EYA1: variants seen among roughly 807,000 people sequenced by gnomAD.
EYA1 encodes EYA transcriptional coactivator and phosphatase 1.
In EYA1, 16 loss-of-function variants were observed where a neutral mutation model predicts 82.0. The observed-to-expected ratio is 0.20, with a 90% CI of 0.13 to 0.30. The LOEUF is 0.30. Ranked by LOEUF, EYA1 falls within the 10% of genes least tolerant of loss-of-function variation. EYA1 has a pLI of 1.00. For missense variants in EYA1, 633 were observed against 730.7 expected, an observed-to-expected ratio of 0.87 and a Z score of 1.54; for synonymous variants, 261 against 264.4, an observed-to-expected ratio of 0.99 and a Z score of 0.12.
chr8:71,213,113 T>C (rs895165365), intron 16 of EYA1, among the ~76,000 whole-genome samples: 2 of 152,034 alleles, frequency 1.3e-5, no homozygotes, highest in Non-Finnish European at 1.5e-5. Context: ...ATTCCCCACA[T>C]ATACCTTATT....
intron 2 of EYA1, among the ~76,000 whole-genome samples, chr8:71,521,067 T>TA (rs934300013): frequency 1.6e-3 from 238 of 146,526 alleles, no homozygotes; most frequent in African/African-American, 4.7e-3. Context: ...CACCTCTTTT[T>TA]AAAAAAAAAA....
intron 2 of EYA1, among the ~76,000 whole-genome samples, chr8:71,453,706 G>A (rs192093112): frequency 6.6e-6 from 1 of 152,042 alleles, no homozygotes; most frequent in African/African-American, 2.4e-5. Flanking sequence ...AATCCTTTAT[G>A]GACAAGCAAA....
intron 9 of EYA1, among the ~76,000 whole-genome samples, chr8:71,279,342 A>G (rs1316966807): frequency 6.6e-6 from 1 of 152,190 alleles, no homozygotes; most frequent in Non-Finnish European, 1.5e-5. Flanking sequence ...GCACCCCTGA[A>G]CTTTGAGACT....
At chr8:71,461,790 G>T (rs1193864019) in intron 2 of EYA1, among the ~76,000 whole-genome samples, 4 of 152,140 alleles carry the variant, frequency 2.6e-5, no homozygotes, top group South Asian at 2.1e-4. Context: ...CACAGCCAGG[G>T]TGTCCCTCAG....
intron 2 of EYA1, among the ~76,000 whole-genome samples, chr8:71,374,455 A>T (rs1173801061): frequency 6.6e-6 from 1 of 152,210 alleles, no homozygotes; most frequent in Non-Finnish European, 1.5e-5. Context: ...ACCTGTTAGG[A>T]CGTCCGTTAC....
At position 71,299,666 on chromosome 8, in the gene EYA1, T is replaced by A; in HGVS notation, c.611A>T (p.Asn204Ile). Residue 204 changes from asparagine (N) to isoleucine (I), a missense_variant, in exon 8 of 18, where the codon AAT becomes ATT. Physicochemically the swap from Asn to Ile is moderately radical, Grantham distance 149. Coordinates refer to ENST00000340726, the MANE Select transcript of EYA1 (RefSeq NM_000503.6). ...CTGTGAACTATTAAATCCAGAGGAA[T>A]TTGTGAGTGAATTATTTCCTGTATA... Reference protein sequence around the residue: ...GIYTGNNSLTNSSGFNSSQQD... With the variant: ...GIYTGNNSLTISSGFNSSQQD... The A allele has an allele frequency of 6.9e-6, 11 of 1,595,524 alleles. No homozygotes were observed. The highest frequency in any genetic ancestry group is 9.5e-6 in the Non-Finnish European group (11 of 1,163,902).
At chr8:71,484,770 C>A (rs1810433554) in intron 2 of EYA1, among the ~76,000 whole-genome samples, 1 of 152,220 alleles carries the variant, frequency 6.6e-6, no homozygotes, top group Non-Finnish European at 1.5e-5. Context: ...TATTCCACTT[C>A]CCACTACCTG....
intron 9 of EYA1, among the ~76,000 whole-genome samples, chr8:71,295,118 C>A (rs1819461287): frequency 6.6e-6 from 1 of 152,064 alleles, no homozygotes. Flanking sequence ...ATGTAAAATG[C>A]AAAATTATGA....
rs80140396 is a variant in EYA1, at chr8:71,488,507, T to C, written c.33+47237A>G. ...AAGTGATACTGTATGGTTCAATTTA[T>C]ATATGCATCCCACTTAGAAGCACAG... On this transcript the variant is annotated intron_variant, in intron 2 of 18. Transcript: ENST00000643681. 5.2e-3 allele frequency among the ~76,000 whole-genome samples: 788 copies of C among 152,318 alleles called. 7 individuals carry two copies. The highest frequency in any genetic ancestry group is 0.018 in the African/African-American group (758 of 41,568).
intron 2 of EYA1, among the ~76,000 whole-genome samples, chr8:71,450,192 A>T (rs1807240861): frequency 6.6e-6 from 1 of 152,204 alleles, no homozygotes; most frequent in Non-Finnish European, 1.5e-5. Context: ...TTTTGAATTA[A>T]CAACTTGGCT....
At chr8:71,439,765 G>A (rs910269155) in intron 2 of EYA1, among the ~76,000 whole-genome samples, 3 of 152,150 alleles carry the variant, frequency 2.0e-5, no homozygotes, top group African/African-American at 7.2e-5. Flanking sequence ...AGGTACTAAA[G>A]GAAGTATGGT....
At chr8:71,463,132 A>G (rs1586766989) in intron 2 of EYA1, among the ~76,000 whole-genome samples, 1 of 152,236 alleles carries the variant, frequency 6.6e-6, no homozygotes, top group Non-Finnish European at 1.5e-5. Context: ...TCTGGTGTGT[A>G]CAGAACATCT....
intron 17 of EYA1, among the ~76,000 whole-genome samples, chr8:71,209,465 G>A (rs970559900): frequency 6.6e-6 from 1 of 152,174 alleles, no homozygotes. Flanking sequence ...CCAGACTCAC[G>A]CAGGTTTGTG....
At chr8:71,293,820 C>A (rs527950225) in intron 9 of EYA1, among the ~76,000 whole-genome samples, 1 of 149,080 alleles carries the variant, frequency 6.7e-6, no homozygotes, top group South Asian at 2.2e-4. Flanking sequence ...AAACAACTTA[C>A]AGCTAACATT....
chr8:71,383,089 C>CA (rs1464864575), intron 2 of EYA1, among the ~76,000 whole-genome samples: 2 of 84,646 alleles, frequency 2.4e-5, no homozygotes, highest in Non-Finnish European at 4.9e-5. Flanking sequence ...TTTCTAACAG[C>CA]ACCTATTTTT....
intron 2 of EYA1, among the ~76,000 whole-genome samples, chr8:71,524,845 T>C (rs982003165): frequency 2.6e-5 from 4 of 152,210 alleles, no homozygotes; most frequent in African/African-American, 9.6e-5. Flanking sequence ...ATCAGTAATT[T>C]AAAAAAGGTT....
intron 2 of EYA1, among the ~76,000 whole-genome samples, chr8:71,397,160 T>C (rs1829675162): frequency 6.6e-6 from 1 of 152,226 alleles, no homozygotes; most frequent in South Asian, 2.1e-4. Context: ...TCTCCATCCC[T>C]TTATTTTGAG....
intron 7 of EYA1, among the ~76,000 whole-genome samples, chr8:71,307,495 A>G (rs1267690620): frequency 1.3e-5 from 2 of 152,114 alleles, no homozygotes; most frequent in Non-Finnish European, 2.9e-5. Context: ...TTCAAACTAC[A>G]TGATGTATAA....
intron 2 of EYA1, among the ~76,000 whole-genome samples, chr8:71,463,872 G>A (rs190720231): frequency 2.1e-4 from 32 of 151,912 alleles, no homozygotes; most frequent in Non-Finnish European, 3.8e-4. Context: ...ATCCCTAAAT[G>A]TTTTCCCTCT....
Sources: gnomAD v4.1 joint callset for allele counts (sites outside exome capture counted in the v4.1 genomes callset) on GRCh38, gnomAD v4.1.1 for gene constraint, MANE v1.5 for transcripts, NCBI Gene and HGNC (gene_info 2026-07-23, HGNC 2026-07-21) for gene names.